Variants in CAMK2B observed in about 807,000 individuals in gnomAD.
CAMK2B encodes the protein calcium/calmodulin dependent protein kinase II beta, also known as calcium/calmodulin-dependent protein kinase type II subunit beta.
In CAMK2B, 27 loss-of-function variants were observed where a neutral mutation model predicts 93.7. The ratio of observed to expected loss-of-function variants is 0.29; its 90% confidence interval spans 0.21 to 0.40. CAMK2B has a LOEUF of 0.40. Ranked by LOEUF, CAMK2B falls within the 10% of genes least tolerant of loss-of-function variation. The pLI is 1.00. For synonymous variants in CAMK2B, 374 were observed against 358.8 expected (o/e 1.04, Z -0.48); for missense variants, 568 against 895.8 (o/e 0.63, Z 4.67).
chr7:44,322,061 G>A (rs1298085366), intron 1 of CAMK2B, among the ~76,000 whole-genome samples: 3 of 152,270 alleles, frequency 2.0e-5, no homozygotes, highest in African/African-American at 4.8e-5. Flanking sequence ...GCCACAGTGT[G>A]CTGAGTGACA....
intron 23 of CAMK2B, 85 bp downstream of exon 23, chr7:44,219,975 C>T (rs35148004): frequency 0.068 from 79,068 of 1,165,336 alleles, 3,022 homozygotes; most frequent in East Asian, 0.076. Flanking sequence ...CAGGCCCCAC[C>T]GCTCCCCATC....
rs2075066 is a variant in CAMK2B, at chr7:44,225,580, G to A, written c.1597+936C>T. On this transcript the variant is annotated intron_variant, in intron 20 of 23. Coordinates refer to ENST00000395749, the MANE Select transcript of CAMK2B (RefSeq NM_001220.5). The surrounding 1 kb of genome is among the most constrained non-coding windows in gnomAD (Gnocchi z 5.0). Reference sequence around the variant, plus strand: ...TCCAGGGGCTGCCCCCTGCTCTCTCGGGCACCCAGGGTGGATCCAGTGCCC... The same window carrying A: ...TCCAGGGGCTGCCCCCTGCTCTCTCAGGCACCCAGGGTGGATCCAGTGCCC... Among the ~76,000 whole-genome samples, 26,788 of 151,982 alleles carry A rather than the reference G, an allele frequency of 0.18. 2,421 individuals carry two copies. The highest frequency in any genetic ancestry group is 0.27 in the Admixed American group (4,104 of 15,282).
Position 44,240,473 on chromosome 7 carries a change from G to A in CAMK2B, c.946+234C>T, listed in dbSNP as rs2096667771. ...CAGACGCTCGTGTTCAGGGGGTGGA[G>A]GGACACAGACCCAGCACGAAGGTGA... On this transcript the variant is annotated intron_variant, in intron 12 of 23. Coordinates refer to ENST00000395749, the MANE Select transcript of CAMK2B (RefSeq NM_001220.5). Among the ~76,000 whole-genome samples the A allele has an allele frequency of 3.3e-5, 5 of 152,262 alleles. No homozygotes were observed. The South Asian group carries it at 1.0e-3, about 32-fold the overall frequency.
chr7:44,298,053 G>A (rs1584748440), intron 1 of CAMK2B, among the ~76,000 whole-genome samples: 1 of 152,216 alleles, frequency 6.6e-6, no homozygotes, highest in South Asian at 2.1e-4. Context: ...GAACCCGGAA[G>A]GTGGAGGTTG....
chr7:44,252,491 G>A (rs1002548027), intron 5 of CAMK2B, among the ~76,000 whole-genome samples: 2 of 149,388 alleles, frequency 1.3e-5, no homozygotes, highest in African/African-American at 2.5e-5. Flanking sequence ...GGCAGCAGGT[G>A]AGCAGGAGGG....
chr7:44,223,282 A>G (rs1011437202), intron 20 of CAMK2B, among the ~76,000 whole-genome samples: 19 of 152,124 alleles, frequency 1.2e-4, no homozygotes, highest in African/African-American at 3.1e-4. Context: ...TTCTGCTGCC[A>G]GCTTGTCTCC....
At chr7:44,287,238 T>A (rs555983216) in intron 1 of CAMK2B, among the ~76,000 whole-genome samples, 3 of 145,686 alleles carry the variant, frequency 2.1e-5, no homozygotes, top group Middle Eastern at 3.5e-3. Context: ...TGAGTCCCAA[T>A]GTCATCGCCG....
At chr7:44,226,766 C>A in intron 19 of CAMK2B, 122 bp from the exon 20 acceptor site, 1 of 223,474 alleles carries the variant, frequency 4.5e-6, no homozygotes, top group Non-Finnish European at 7.3e-6. Context: ...GGGGATGGGG[C>A]ACAAGGGGAC....
At chr7:44,229,285 C>A (rs933498751) in intron 18 of CAMK2B, 103 bp downstream of exon 18, 15 of 750,334 alleles carry the variant, frequency 2.0e-5, no homozygotes, top group Admixed American at 3.1e-5. Context: ...GAGGCTGGAG[C>A]CAGGGTCCAC....
Position 44,325,418 on chromosome 7 carries a change from C to A in CAMK2B, c.4G>T (p.Ala2Ser), listed in dbSNP as rs1488399289. The change falls in exon 1 of 24, where the codon GCC becomes TCC. Residue 2 changes from alanine to serine, a missense_variant. Physicochemically the swap from Ala to Ser is moderately conservative, Grantham distance 99. Coordinates refer to ENST00000395749, the MANE Select transcript of CAMK2B (RefSeq NM_001220.5). The part of the protein sequence containing the change: M[A>S]TTVTCTRFTD... Reference sequence around the variant, plus strand: ...AAGCGGGTGCAGGTCACCGTGGTGGCCATGGCGGCGGCGGACGGGCTCGGC... The same window carrying A: ...AAGCGGGTGCAGGTCACCGTGGTGGACATGGCGGCGGCGGACGGGCTCGGC... The A allele has an allele frequency of 1.7e-6, 2 of 1,165,150 alleles. No individual in the cohort carries two copies. The highest frequency in any genetic ancestry group is 1.6e-5 in the African/African-American group (1 of 60,612). The allele number at this position is 1,165,150 out of a possible 1,614,324, so 72.2% of individuals were successfully genotyped here.
At chr7:44,281,997 G>A (rs1015870666) in intron 2 of CAMK2B, among the ~76,000 whole-genome samples, 6 of 152,206 alleles carry the variant, frequency 3.9e-5, no homozygotes, top group Non-Finnish European at 4.4e-5. Context: ...AACTGCCGGA[G>A]GGCCAGACAG....
intron 2 of CAMK2B, among the ~76,000 whole-genome samples, chr7:44,267,246 G>A (rs1224929509): frequency 6.6e-6 from 1 of 152,148 alleles, no homozygotes; most frequent in East Asian, 1.9e-4. Flanking sequence ...GGGTTCCAGG[G>A]CAGACAGTCC....
chr7:44,240,613 G>A, intron 12 of CAMK2B, 94 bp downstream of exon 12: 1 of 1,384,624 alleles, frequency 7.2e-7, no homozygotes, highest in South Asian at 1.2e-5. Context: ...TGCCGCAGAG[G>A]AGGAGTGGAG....
intron 8 of CAMK2B, 132 bp from the exon 9 acceptor site, chr7:44,242,786 C>T (rs532420493): frequency 9.1e-6 from 6 of 656,114 alleles, no homozygotes; most frequent in African/African-American, 7.1e-5. Flanking sequence ...TTCCTTTGCC[C>T]CCACCTGTGC....
chr7:44,233,489 G>A (rs1197402280), intron 15 of CAMK2B, among the ~76,000 whole-genome samples: 1 of 152,148 alleles, frequency 6.6e-6, no homozygotes, highest in African/African-American at 2.4e-5. Flanking sequence ...TCCCGTGGGC[G>A]GTCTGGGGCT....
At chr7:44,234,735 C>T in intron 13 of CAMK2B, 59 bp from the exon 14 acceptor site, 2 of 1,555,534 alleles carry the variant, frequency 1.3e-6, no homozygotes, top group South Asian at 2.2e-5. Context: ...CGCTGCAGCG[C>T]AACCCCACCC....
chr7:44,258,733 G>A (rs555153712), intron 4 of CAMK2B, 139 bp downstream of exon 4: 2 of 735,390 alleles, frequency 2.7e-6, no homozygotes, highest in African/African-American at 1.7e-5. Context: ...GGAGCAAGGG[G>A]ACCAGCAGCA....
chr7:44,237,676 C>T (rs1344517903), intron 13 of CAMK2B, among the ~76,000 whole-genome samples: 1 of 152,228 alleles, frequency 6.6e-6, no homozygotes, highest in Admixed American at 6.5e-5. Flanking sequence ...TGCCCATCTA[C>T]ACTAGCATTC....
Position 44,226,477 on chromosome 7 carries a change from C to T in CAMK2B, c.1597+39G>A, listed in dbSNP as rs541864203. 91 of 1,374,826 alleles carry T rather than the reference C, an allele frequency of 6.6e-5. 1 individual carries two copies. The East Asian group carries it at 1.4e-3, about 21-fold the overall frequency. The allele number at this position is 1,374,826 out of a possible 1,614,324, so 85.2% of individuals were successfully genotyped here. ...CAGGCTCGCACGCCCCGAGCCCCTC[C>T]GGGCAGCCGCTGCCACGGCCACTCA... On this transcript the variant is annotated intron_variant, in intron 20 of 23. Transcript: ENST00000395749.
Sources: allele counts gnomAD v4.1 joint callset (sites outside exome capture counted in the v4.1 genomes callset), GRCh38; gene constraint gnomAD v4.1.1; non-coding constraint Gnocchi (gnomAD v3.1); transcripts MANE v1.5; gene names NCBI Gene and HGNC (gene_info 2026-07-23, HGNC 2026-07-21).